The following RBFOX1 variants were observed in gnomAD, a reference collection of about 807,000 sequenced individuals.
The protein encoded by RBFOX1 is RNA binding protein fox-1 homolog 1.
RBFOX1 carries 8 observed loss-of-function variants against 57.7 expected under a neutral mutation model. The ratio of observed to expected loss-of-function variants is 0.14; its 90% confidence interval spans 0.08 to 0.25. The LOEUF (loss-of-function observed/expected upper bound fraction) is 0.25. Ranked by LOEUF, RBFOX1 falls within the 10% of genes least tolerant of loss-of-function variation. The pLI is 1.00. For missense variants in RBFOX1, 611 were observed against 548.5 expected, an observed-to-expected ratio of 1.11 and a Z score of -1.14; for synonymous variants, 326 against 222.4, an observed-to-expected ratio of 1.47 and a Z score of -4.15.
rs151232920 is a variant in RBFOX1 at position 6,049,835 on chromosome 16, C to G, written c.-127+29843C>G. Among the ~76,000 whole-genome samples, 175 of 151,944 alleles carry G rather than the reference C, an allele frequency of 1.2e-3. 1 individual carries two copies. The highest frequency in any genetic ancestry group is 0.01 in the Admixed American group (154 of 15,246). ...AACACCCTTCCCAGTGGTACACTTC[C>G]TATGATTGATTTTATGATAGTTTGT... On this transcript the variant is annotated intron_variant, in intron 1 of 15. Coordinates refer to ENST00000550418, the MANE Select transcript of RBFOX1 (RefSeq NM_018723.4).
At chr16:5,520,092 A>G (rs1656203497) in intron 2 of RBFOX1, among the ~76,000 whole-genome samples, 1 of 152,238 alleles carries the variant, frequency 6.6e-6, no homozygotes, top group Non-Finnish European at 1.5e-5. Flanking sequence ...AATCATTTAA[A>G]GAACGTGGGA....
chr16:6,783,655 G>T (rs546903231), intron 3 of RBFOX1, among the ~76,000 whole-genome samples: 4 of 151,830 alleles, frequency 2.6e-5, no homozygotes, highest in Non-Finnish European at 4.4e-5. Flanking sequence ...TTTAGTCTTC[G>T]TACTAAAGAT....
intron 3 of RBFOX1, among the ~76,000 whole-genome samples, chr16:6,870,634 G>A (rs1158169263): frequency 1.3e-5 from 2 of 152,094 alleles, no homozygotes; most frequent in East Asian, 3.9e-4. Flanking sequence ...ATGTAGATGA[G>A]CAGAAACAAA....
chr16:5,880,333 CT>C (rs2057731839), intron 4 of RBFOX1, among the ~76,000 whole-genome samples: 1 of 152,172 alleles, frequency 6.6e-6, no homozygotes. Context: ...GACAGATTTC[CT>C]TTGGTAGCAT....
intron 3 of RBFOX1, among the ~76,000 whole-genome samples, chr16:5,638,407 G>C (rs980050747): frequency 2.0e-5 from 3 of 152,154 alleles, no homozygotes; most frequent in Non-Finnish European, 4.4e-5. Context: ...AGCAGGGGGA[G>C]GGCTTCTGGG....
intron 2 of RBFOX1, among the ~76,000 whole-genome samples, chr16:5,578,148 C>T (rs1164319768): frequency 6.6e-6 from 1 of 152,150 alleles, no homozygotes; most frequent in African/African-American, 2.4e-5. Flanking sequence ...GACAGGGTTT[C>T]AGCATGTTGG....
At chr16:6,192,530 T>C (rs1229088352) in intron 1 of RBFOX1, among the ~76,000 whole-genome samples, 4 of 152,122 alleles carry the variant, frequency 2.6e-5, no homozygotes, top group African/African-American at 9.7e-5. Flanking sequence ...CCGTTTTACC[T>C]ATCTCTTAAC....
intron 4 of RBFOX1, among the ~76,000 whole-genome samples, chr16:5,895,647 C>T (rs891246821): frequency 2.0e-5 from 3 of 152,152 alleles, no homozygotes; most frequent in African/African-American, 7.2e-5. Flanking sequence ...AACGTGCAGT[C>T]TAACTGTGGG....
chr16:6,638,054 T>C (rs2098459382), intron 2 of RBFOX1, among the ~76,000 whole-genome samples: 1 of 152,126 alleles, frequency 6.6e-6, no homozygotes, highest in African/African-American at 2.4e-5. Context: ...AGGGGTAGAC[T>C]AAACTTCTGC....
At chr16:6,915,463 T>G (rs1056768127) in intron 3 of RBFOX1, among the ~76,000 whole-genome samples, 3 of 152,176 alleles carry the variant, frequency 2.0e-5, no homozygotes, top group African/African-American at 7.2e-5. Context: ...TCAAAAATTA[T>G]TCCTTAAACA....
At chr16:5,352,750 C>G (rs973704066) in intron 1 of RBFOX1, among the ~76,000 whole-genome samples, 11 of 152,074 alleles carry the variant, frequency 7.2e-5, no homozygotes, top group Admixed American at 7.2e-4. Context: ...TAAAATCAGC[C>G]TGGGCAACAT....
chr16:6,413,977 A>G (rs2093549541), intron 2 of RBFOX1, among the ~76,000 whole-genome samples: 1 of 152,192 alleles, frequency 6.6e-6, no homozygotes. Context: ...CTGAGCACAT[A>G]TTCTATAGGT....
chr16:7,310,186 C>T (rs1278662589), intron 4 of RBFOX1, among the ~76,000 whole-genome samples: 1 of 152,188 alleles, frequency 6.6e-6, no homozygotes, highest in African/African-American at 2.4e-5. Flanking sequence ...AATGGACCCG[C>T]AGGCCGCCTC....
intron 2 of RBFOX1, among the ~76,000 whole-genome samples, chr16:5,485,412 G>C (rs901246465): frequency 2.1e-5 from 3 of 145,528 alleles, no homozygotes. Context: ...GACTCTCCAA[G>C]TGCATGCATA....
chr16:7,604,526 G>A (rs916678350), intron 9 of RBFOX1, among the ~76,000 whole-genome samples: 4 of 152,164 alleles, frequency 2.6e-5, no homozygotes, highest in African/African-American at 9.7e-5. Context: ...TGAAGAGATT[G>A]CCATGTGCAG....
intron 4 of RBFOX1, among the ~76,000 whole-genome samples, chr16:7,387,550 A>C (rs1454433594): frequency 6.6e-6 from 1 of 152,224 alleles, no homozygotes; most frequent in Non-Finnish European, 1.5e-5. Flanking sequence ...AGAGTGGCAC[A>C]TTGATCTCAA....
At chr16:6,350,902 C>T (rs936299868) in intron 2 of RBFOX1, among the ~76,000 whole-genome samples, 2 of 152,240 alleles carry the variant, frequency 1.3e-5, no homozygotes, top group Admixed American at 6.5e-5. Context: ...TATGAGGGCA[C>T]TCTTCTGCCT....
chr16:5,285,187 G>T (rs2063362595), intron 1 of RBFOX1, among the ~76,000 whole-genome samples: 1 of 152,054 alleles, frequency 6.6e-6, no homozygotes, highest in Non-Finnish European at 1.5e-5. Flanking sequence ...TATTTTAAAA[G>T]ACTAGTCTTC....
At chr16:7,147,123 G>C (rs1008721112) in intron 4 of RBFOX1, among the ~76,000 whole-genome samples, 1 of 136,776 alleles carries the variant, frequency 7.3e-6, no homozygotes, top group Non-Finnish European at 1.5e-5. Flanking sequence ...GGGATTGCAG[G>C]TGCCTGCCAC....
Sources: allele counts gnomAD v4.1 joint callset (sites outside exome capture counted in the v4.1 genomes callset), GRCh38; gene constraint gnomAD v4.1.1; transcripts MANE v1.5; gene names NCBI Gene and HGNC (gene_info 2026-07-23, HGNC 2026-07-21).